Variants in EIF2AK4 observed in about 807,000 individuals in gnomAD.
EIF2AK4 encodes eIF-2-alpha kinase GCN2.
EIF2AK4 carries 139 observed loss-of-function variants against 211.1 expected under a neutral mutation model. The ratio of observed to expected loss-of-function variants is 0.66; its 90% CI spans 0.57 to 0.76. The LOEUF is 0.76. EIF2AK4 is among the 30% of genes least tolerant of loss of function. The pLI is 0.00. For synonymous variants in EIF2AK4, 710 were observed against 751.3 expected (o/e 0.94, Z 0.90); for missense variants, 1,664 against 2,043.8 (o/e 0.81, Z 3.58).
At chr15:39,950,390 C>T (rs993471875) in intron 4 of EIF2AK4, among the ~76,000 whole-genome samples, 1 of 151,884 alleles carries the variant, frequency 6.6e-6, no homozygotes, top group Non-Finnish European at 1.5e-5. Flanking sequence ...GCCAGGAGTT[C>T]GAGACCAGCC....
chr15:40,032,027 A>C (rs1310124705), intron 35 of EIF2AK4, 142 bp from the exon 36 acceptor site: 1 of 759,448 alleles, frequency 1.3e-6, no homozygotes, highest in Admixed American at 2.2e-5. Flanking sequence ...TACCCAGCCA[A>C]GGGCAAACCT....
At chr15:40,014,258 T>G (rs2035276164) in intron 27 of EIF2AK4, among the ~76,000 whole-genome samples, 1 of 152,236 alleles carries the variant, frequency 6.6e-6, no homozygotes, top group Non-Finnish European at 1.5e-5. Flanking sequence ...GTAGGGACTC[T>G]GTATGGGGGC....
At chr15:39,996,887 A>G in intron 18 of EIF2AK4, 77 bp from the exon 19 acceptor site, 1 of 1,035,828 alleles carries the variant, frequency 9.7e-7, no homozygotes. Context: ...TCAGCTAACA[A>G]TGCTTATCCT....
Position 39,967,395 on chromosome 15 carries a change from A to C in EIF2AK4, c.1069A>C (p.Asn357His). The change falls in exon 9 of 39, where the codon AAT becomes CAT. Residue 357 changes from asparagine to histidine, a missense_variant. Asn to His is a moderately conservative substitution (Grantham distance 68). Around this residue, in one of 7 missense-constraint regions of EIF2AK4, gnomAD observed 641 missense variants for 729.6 expected, o/e 0.88. Transcript: ENST00000263791. ...CTCACTGGTAAAATTGAGCCATCCAAATGTAGTACGCTACCTTGCAATGAA... is the reference window on the plus strand; with the variant it reads ...CTCACTGGTAAAATTGAGCCATCCACATGTAGTACGCTACCTTGCAATGAA... ...FNSLVKLSHP[N>H]VVRYLAMNLK... 1 of 1,612,790 alleles carries C rather than the reference A, an allele frequency of 6.2e-7. No homozygotes were observed. The highest frequency in any genetic ancestry group is 1.1e-5 in the South Asian group (1 of 91,028).
chr15:39,994,001 A>G (rs913045850), intron 18 of EIF2AK4, among the ~76,000 whole-genome samples: 1 of 152,228 alleles, frequency 6.6e-6, no homozygotes, highest in African/African-American at 2.4e-5. Flanking sequence ...AGGAAGGGAA[A>G]GAGTCCAGGG....
At chr15:40,032,840 A>G in intron 37 of EIF2AK4, 39 bp downstream of exon 37, 3 of 1,574,728 alleles carry the variant, frequency 1.9e-6, no homozygotes, top group Non-Finnish European at 2.6e-6. Context: ...GGCCTTTAAG[A>G]TCCCAAATCT....
At chr15:40,032,304 G>T in intron 36 of EIF2AK4, 67 bp downstream of exon 36, 1 of 1,437,562 alleles carries the variant, frequency 7.0e-7, no homozygotes, top group South Asian at 1.2e-5. Flanking sequence ...TTGCCTCAGG[G>T]TTCAGAGCTT....
At chr15:39,990,949 C>G (rs945654906) in intron 16 of EIF2AK4, among the ~76,000 whole-genome samples, 1 of 152,174 alleles carries the variant, frequency 6.6e-6, no homozygotes, top group South Asian at 2.1e-4. Context: ...GACCAGCATA[C>G]TGTCTGACTG....
At chr15:39,935,698 A>G (rs1355507383) in intron 1 of EIF2AK4, among the ~76,000 whole-genome samples, 3 of 152,196 alleles carry the variant, frequency 2.0e-5, no homozygotes, top group Admixed American at 6.5e-5. Context: ...GATTTCCTCA[A>G]GAAATACCAT....
At chr15:39,982,115 AG>A (rs1204842908) in intron 13 of EIF2AK4, among the ~76,000 whole-genome samples, 1 of 151,886 alleles carries the variant, frequency 6.6e-6, no homozygotes, top group African/African-American at 2.4e-5. Context: ...TAGTAGAGAC[AG>A]GGTTTCACCG....
At chr15:39,968,935 C>A (rs913327449) in intron 9 of EIF2AK4, among the ~76,000 whole-genome samples, 1 of 151,436 alleles carries the variant, frequency 6.6e-6, no homozygotes, top group African/African-American at 2.4e-5. Context: ...AAGTTTGATT[C>A]TTTATGTTGG....
chr15:40,006,368 C>G (rs1018481745), intron 23 of EIF2AK4, among the ~76,000 whole-genome samples: 2 of 152,258 alleles, frequency 1.3e-5, no homozygotes, highest in East Asian at 3.9e-4. Context: ...AAGCTGGCTT[C>G]TTATTCTCTA....
At chr15:39,950,368 G>A (rs1342079580) in intron 4 of EIF2AK4, among the ~76,000 whole-genome samples, 3 of 152,108 alleles carry the variant, frequency 2.0e-5, no homozygotes. Context: ...TGAGGCAGGT[G>A]GATCACTTGA....
In EIF2AK4 at chr15:39,934,888, C is replaced by G. The variant is rs75608887; in HGVS notation, c.144+549C>G. On this transcript the variant is annotated intron_variant, in intron 1 of 38. Coordinates refer to ENST00000263791, the MANE Select transcript of EIF2AK4 (RefSeq NM_001013703.4). ...GGAACTTTCCATACCTCTGCACCTT[C>G]CTCTAAGACATTTAGCTCAGAATAA... is the stretch of plus-strand genomic sequence containing the variant. Among the ~76,000 whole-genome samples the G allele has an allele frequency of 6.5e-3, 991 of 152,312 alleles. 5 individuals carry two copies. Among genetic ancestry groups the G allele is most frequent in the Non-Finnish European group, 0.011 (738 of 68,018 alleles).
At position 39,998,270 on chromosome 15, in the gene EIF2AK4, G is replaced by GTT. The variant is rs11435806; in HGVS notation, c.2869-458_2869-457dup. Among the ~76,000 whole-genome samples, 282 of 125,322 alleles carry GTT rather than the reference G, an allele frequency of 2.3e-3. 6 individuals are homozygous for GTT. Among genetic ancestry groups the GTT allele is most frequent in the Non-Finnish European group, 3.1e-3 (193 of 62,700 alleles). The allele number at this position is 125,322 out of a possible 152,430, so 82.2% of individuals were successfully genotyped here. ...TATATGGGTGTGGTTTTTTTTTTTTGTTTTGTTTTTTTTTGCCTTTTTTCA... is the reference window on the plus strand; with the variant it reads ...TATATGGGTGTGGTTTTTTTTTTTTGTTTTTTGTTTTTTTTTGCCTTTTTTCA... On this transcript the variant is annotated intron_variant, in intron 19 of 38. Transcript: ENST00000263791.
chr15:39,997,801 C>T (rs929268531), intron 19 of EIF2AK4, among the ~76,000 whole-genome samples: 4 of 152,084 alleles, frequency 2.6e-5, no homozygotes, highest in Non-Finnish European at 4.4e-5. Context: ...TCAGAGATGC[C>T]CATGAGCAAA....
At position 40,020,873 on chromosome 15, in the gene EIF2AK4, C is replaced by A. The variant is rs747766279; in HGVS notation, c.4174-26C>A. 6.3e-6 allele frequency: 10 copies of A among 1,595,220 alleles called. No individual in the cohort carries two copies. In the South Asian group the frequency reaches 1.0e-4, roughly 16 times the overall value. On this transcript the variant is annotated intron_variant, in intron 30 of 38. Coordinates refer to ENST00000263791, the MANE Select transcript of EIF2AK4 (RefSeq NM_001013703.4). ...CATGCCTGCAGTCTTGCTCCTCTAACTGTAACCGGTCTGTTTCTGATCCAG... is the reference window on the plus strand; with the variant it reads ...CATGCCTGCAGTCTTGCTCCTCTAAATGTAACCGGTCTGTTTCTGATCCAG...
In EIF2AK4 at chr15:40,020,994, C is replaced by A; in HGVS notation, c.4269C>A (p.Gly1423=). 6.2e-7 allele frequency: 1 copy of A among 1,613,754 alleles called. No individual in the cohort carries two copies. The highest frequency in any genetic ancestry group is 8.5e-7 in the Non-Finnish European group (1 of 1,179,860). The change falls in exon 31 of 39, where the codon GGC becomes GGA. Residue 1423 remains glycine, a synonymous_variant. Coordinates refer to ENST00000263791, the MANE Select transcript of EIF2AK4 (RefSeq NM_001013703.4). ...INLTQKLWTA[G]ITAEIMYDWS... ...TAACCCAGAAACTCTGGACAGCAGGCATCACAGCAGAAATCATGTACGACT... is the reference window on the plus strand; with the variant it reads ...TAACCCAGAAACTCTGGACAGCAGGAATCACAGCAGAAATCATGTACGACT...
intron 32 of EIF2AK4, among the ~76,000 whole-genome samples, chr15:40,023,125 G>T (rs1361901980): frequency 2.0e-5 from 3 of 152,208 alleles, no homozygotes. Flanking sequence ...AAAACTGGCT[G>T]TGGTTTTTTC....
Sources: allele counts gnomAD v4.1 joint callset (sites outside exome capture counted in the v4.1 genomes callset), GRCh38; gene constraint gnomAD v4.1.1; regional missense constraint gnomAD v4.1.1; transcripts MANE v1.5; gene names NCBI Gene and HGNC (gene_info 2026-07-23, HGNC 2026-07-21).